The following TDRD3 variants were observed in gnomAD, a reference collection of about 807,000 sequenced individuals.
TDRD3 encodes tudor domain containing 3, also known as tudor domain-containing protein 3.
Under a neutral mutation model 86.7 loss-of-function variants are expected in TDRD3, and 45 were observed. That is an observed-to-expected ratio of 0.52 (90% CI 0.41 to 0.67). The LOEUF (loss-of-function observed/expected upper bound fraction) is 0.67, where lower values mean the gene tolerates loss of function less well. Among genes scored for constraint, TDRD3 ranks in the 30% least tolerant of loss-of-function variants. The pLI, the probability that TDRD3 is intolerant of heterozygous loss-of-function variation, is 0.00. For synonymous variants in TDRD3, 298 were observed against 301.7 expected (o/e 0.99, Z 0.13); for missense variants, 814 against 889.0 (o/e 0.92, Z 1.07).
In TDRD3 at chr13:60,567,727, A is replaced by AT. The variant is rs908583710; in HGVS notation, c.*9+86dup. 7.8e-4 allele frequency: 1,194 copies of AT among 1,540,266 alleles called. 1 individual carries two copies. The highest frequency in any genetic ancestry group is 8.9e-4 in the African/African-American group (64 of 71,928). ...GTTAAGCATATAAGTCCAATTAGTG[A>AT]TTTTTTTTTCTCTGAGACGAAGTTT... On this transcript the variant is annotated intron_variant, in intron 13 of 13. Transcript: ENST00000377881.
intron 11 of TDRD3, among the ~76,000 whole-genome samples, chr13:60,531,692 G>T (rs1957585695): frequency 6.6e-6 from 1 of 152,042 alleles, no homozygotes; most frequent in Non-Finnish European, 1.5e-5. Flanking sequence ...CTCTCTACAG[G>T]ATCAGGGATA....
chr13:60,486,903 G>C (rs1956451324), intron 7 of TDRD3, among the ~76,000 whole-genome samples: 1 of 151,966 alleles, frequency 6.6e-6, no homozygotes, highest in African/African-American at 2.4e-5. Flanking sequence ...TGTCCTTCAG[G>C]CTTATCCATG....
chr13:60,548,950 C>G (rs1048459487), intron 12 of TDRD3, among the ~76,000 whole-genome samples: 3 of 152,028 alleles, frequency 2.0e-5, no homozygotes, highest in African/African-American at 4.8e-5. Context: ...GTAGGATTAT[C>G]ATGGTAGTGA....
intron 2 of TDRD3, among the ~76,000 whole-genome samples, chr13:60,443,400 A>C (rs1955328095): frequency 6.6e-6 from 1 of 152,034 alleles, no homozygotes; most frequent in African/African-American, 2.4e-5. Context: ...ATTGTTACAC[A>C]TGAGTCTGGA....
At chr13:60,480,268 A>T (rs1410744279) in intron 5 of TDRD3, among the ~76,000 whole-genome samples, 1 of 152,136 alleles carries the variant, frequency 6.6e-6, no homozygotes, top group Non-Finnish European at 1.5e-5. Context: ...GTTTGGTAGG[A>T]TATGAAATTC....
chr13:60,526,693 A>G (rs910939880), intron 10 of TDRD3, among the ~76,000 whole-genome samples: 7 of 149,772 alleles, frequency 4.7e-5, no homozygotes, highest in Non-Finnish European at 8.9e-5. Flanking sequence ...AAAAATCTTC[A>G]TTCTTTGTCA....
chr13:60,491,680 T>TA (rs1956591064), intron 7 of TDRD3, among the ~76,000 whole-genome samples: 1 of 152,180 alleles, frequency 6.6e-6, no homozygotes, highest in African/African-American at 2.4e-5. Context: ...AACATGCATA[T>TA]GGTTGGTGGT....
At chr13:60,461,053 GTTAC>G (rs943965164) in intron 4 of TDRD3, 2 of 151,862 alleles carry the variant, frequency 1.3e-5, no homozygotes, top group South Asian at 4.2e-4. Flanking sequence ...TAAGTATATA[GTTAC>G]TTCTTGATTG....
chr13:60,398,618 A>C (rs1283971038), intron 1 of TDRD3, among the ~76,000 whole-genome samples: 3 of 152,224 alleles, frequency 2.0e-5, no homozygotes, highest in African/African-American at 4.8e-5. Flanking sequence ...GTTATTATAC[A>C]CCCCATTTTA....
At chr13:60,506,060 A>C (rs1956930855) in intron 8 of TDRD3, among the ~76,000 whole-genome samples, 1 of 152,190 alleles carries the variant, frequency 6.6e-6, no homozygotes. Flanking sequence ...TGAGAAGAGC[A>C]ACCCCAAGAC....
intron 1 of TDRD3, among the ~76,000 whole-genome samples, chr13:60,415,720 A>G (rs1422304014): frequency 6.6e-6 from 1 of 152,164 alleles, no homozygotes; most frequent in Middle Eastern, 3.2e-3. Context: ...AGATGCCTTG[A>G]TGGATCTTCC....
chr13:60,413,004 C>T (rs1227079087), intron 1 of TDRD3, among the ~76,000 whole-genome samples: 1 of 150,940 alleles, frequency 6.6e-6, no homozygotes, highest in Non-Finnish European at 1.5e-5. Context: ...TTTGCTGTTA[C>T]GGCCTGCCTG....
chr13:60,432,545 A>G (rs1393883278), intron 1 of TDRD3, among the ~76,000 whole-genome samples: 1 of 152,190 alleles, frequency 6.6e-6, no homozygotes, highest in Non-Finnish European at 1.5e-5. Context: ...CTATAAGAAT[A>G]ATATATAAAA....
At chr13:60,408,872 C>T (rs912395292) in intron 1 of TDRD3, among the ~76,000 whole-genome samples, 8 of 152,120 alleles carry the variant, frequency 5.3e-5, no homozygotes, top group Non-Finnish European at 1.0e-4. Flanking sequence ...AATGTTAAAC[C>T]CCAAGACCAT....
chr13:60,418,730 C>T (rs887269840), intron 1 of TDRD3, among the ~76,000 whole-genome samples: 1 of 152,154 alleles, frequency 6.6e-6, no homozygotes, highest in Admixed American at 6.5e-5. Context: ...AAGTTTTCTC[C>T]TGCTCTGTTC....
intron 10 of TDRD3, among the ~76,000 whole-genome samples, chr13:60,513,694 T>C (rs554126911): frequency 6.6e-6 from 1 of 152,286 alleles, no homozygotes; most frequent in African/African-American, 2.4e-5. Flanking sequence ...TGAGATCTGA[T>C]GGCTTTATAA....
intron 1 of TDRD3, among the ~76,000 whole-genome samples, chr13:60,404,094 C>G (rs1342724642): frequency 1.3e-5 from 2 of 152,110 alleles, no homozygotes; most frequent in South Asian, 2.1e-4. Context: ...AGGTTGGAAG[C>G]CTTTCCAGTA....
chr13:60,509,969 T>C (rs902981525), intron 9 of TDRD3, 50 bp downstream of exon 9: 1 of 1,580,324 alleles, frequency 6.3e-7, no homozygotes, highest in Non-Finnish European at 8.6e-7. Context: ...CTTTTCAGAG[T>C]AATATATGTT....
intron 2 of TDRD3, among the ~76,000 whole-genome samples, chr13:60,444,410 A>G (rs1179708561): frequency 6.6e-6 from 1 of 151,984 alleles, no homozygotes; most frequent in Non-Finnish European, 1.5e-5. Flanking sequence ...TTTGGATTTT[A>G]ATAGAGAAGA....
Sources: gnomAD v4.1 joint callset for allele counts (sites outside exome capture counted in the v4.1 genomes callset) on GRCh38, gnomAD v4.1.1 for gene constraint, MANE v1.5 for transcripts, NCBI Gene and HGNC (gene_info 2026-07-23, HGNC 2026-07-21) for gene names.